Variants in RIMBP2 observed in about 807,000 individuals in gnomAD.
The protein encoded by RIMBP2 is RIMS binding protein 2, also known as RIMS-binding protein 2.
RIMBP2 carries 48 observed loss-of-function variants against 118.6 expected under a neutral mutation model. That is an observed-to-expected ratio of 0.40 (90% CI 0.32 to 0.51). RIMBP2 has a LOEUF of 0.51. Ranked by LOEUF, RIMBP2 falls within the 20% of genes least tolerant of loss-of-function variation. The pLI, the probability that RIMBP2 is intolerant of heterozygous loss-of-function variation, is 0.41. For missense variants in RIMBP2, 1,551 were observed against 1,768.3 expected, an observed-to-expected ratio of 0.88 and a Z score of 2.20; for synonymous variants, 762 against 742.9, an observed-to-expected ratio of 1.03 and a Z score of -0.42.
intron 1 of RIMBP2, among the ~76,000 whole-genome samples, chr12:130,705,501 G>C (rs137968296): frequency 6.6e-6 from 1 of 152,326 alleles, no homozygotes; most frequent in African/African-American, 2.4e-5. Flanking sequence ...GGGAAGGGAC[G>C]CAGCTGTCCC....
chr12:130,622,859 G>C lies in RIMBP2; in HGVS notation c.-217+5463C>G, dbSNP rs1046383261. On this transcript the variant is annotated intron_variant, in intron 2 of 22. Coordinates refer to ENST00000690449, the MANE Select transcript of RIMBP2 (RefSeq NM_001393629.1). The surrounding 1 kb of genome is among the most constrained non-coding windows in gnomAD (Gnocchi z 8.5). ...TCTCTCTGACCCTGCTCAATGCTTA[G>C]ATGTAACCTCTGTTCCCAGAGCTCA... Among the ~76,000 whole-genome samples the C allele has an allele frequency of 4.6e-5, 7 of 152,190 alleles. No individual in the cohort carries two copies. The highest frequency in any genetic ancestry group is 1.4e-4 in the African/African-American group (6 of 41,438).
chr12:130,667,024 AAAG>A lies in RIMBP2; in HGVS notation c.-351-38571_-351-38569del, dbSNP rs1285194789. Reference sequence around the variant, plus strand: ...GAAGGAGGGAGGGAGGGAGGGAGAGAAAGAAGAAGAGGGAGGAAGGGAGGGAGG... The same window carrying A: ...GAAGGAGGGAGGGAGGGAGGGAGAGAAAGAAGAGGGAGGAAGGGAGGGAGG... On this transcript the variant is annotated intron_variant, in intron 1 of 22. Coordinates refer to ENST00000690449, the MANE Select transcript of RIMBP2 (RefSeq NM_001393629.1). Among the ~76,000 whole-genome samples the A allele has an allele frequency of 1.5e-4, 8 of 51,710 alleles. 1 individual carries two copies. Among genetic ancestry groups the A allele is most frequent in the African/African-American group, 4.0e-4 (5 of 12,558 alleles). The allele number at this position is 51,710 out of a possible 152,430, so 33.9% of individuals were successfully genotyped here.
intron 2 of RIMBP2, among the ~76,000 whole-genome samples, chr12:130,548,259 G>C (rs993397351): frequency 6.6e-6 from 1 of 152,134 alleles, no homozygotes; most frequent in African/African-American, 2.4e-5. Flanking sequence ...AGCAAACTGA[G>C]GCACAGAGTT....
At chr12:130,537,603 C>A (rs4759720) in intron 2 of RIMBP2, among the ~76,000 whole-genome samples, 1 of 151,942 alleles carries the variant, frequency 6.6e-6, no homozygotes, top group African/African-American at 2.4e-5. Context: ...CCAGCCTATG[C>A]GAAAGATCCG....
In RIMBP2 at chr12:130,688,688, G is replaced by A. The variant is rs1049609437; in HGVS notation, c.-352+27534C>T. ...AGGGCAGGTGACAGGTACAGGCAGG[G>A]GGACACTAAAACCCCACATTCTAAA... On this transcript the variant is annotated intron_variant, in intron 1 of 22. Coordinates refer to ENST00000690449, the MANE Select transcript of RIMBP2 (RefSeq NM_001393629.1). The surrounding 1 kb of genome is among the most constrained non-coding windows in gnomAD (Gnocchi z 4.7). Among the ~76,000 whole-genome samples, 1 of 152,148 alleles carries A rather than the reference G, an allele frequency of 6.6e-6. No individual in the cohort carries two copies. The highest frequency in any genetic ancestry group is 2.4e-5 in the African/African-American group (1 of 41,440).
intron 1 of RIMBP2, among the ~76,000 whole-genome samples, chr12:130,644,379 C>G (rs11061049): frequency 0.27 from 40,872 of 152,080 alleles, 6,716 homozygotes; most frequent in East Asian, 0.38. Context: ...TTAAGAGCAC[C>G]GTAAGATCCA....
chr12:130,412,569 T>C (rs745823679), intron 19 of RIMBP2, 50 bp downstream of exon 19: 1 of 1,560,154 alleles, frequency 6.4e-7, no homozygotes, highest in African/African-American at 1.4e-5. Context: ...GCGGCAGGTG[T>C]TTTGTGGGAT....
chr12:130,466,366 C>G (rs1234302556), intron 6 of RIMBP2: 1 of 152,132 alleles, frequency 6.6e-6, no homozygotes, highest in East Asian at 1.9e-4. Context: ...TTGCTAAACC[C>G]CAAAACTAGC....
In RIMBP2 at chr12:130,424,299, G is replaced by A; in HGVS notation, c.2972C>T (p.Pro991Leu). Residue 991 changes from proline (P) to leucine (L), a missense_variant, in exon 16 of 23, where the codon CCC (proline) becomes CTC (leucine). Coordinates refer to ENST00000690449, the MANE Select transcript of RIMBP2 (RefSeq NM_001393629.1). This position sits in a 1 kb window ranked among gnomAD's most constrained non-coding sequence, Gnocchi z 9.8. ...GGLLRNDDPQ[P>L]GPERPPPRKH... ...CCTGGGGGGCGGCCTCTCCGGGCCG[G>A]GCTGGGGGTCGTCGTTCCTGAGGAG... 1 of 1,231,660 alleles carries A rather than the reference G, an allele frequency of 8.1e-7. No individual in the cohort carries two copies. The highest frequency in any genetic ancestry group is 1.0e-6 in the Non-Finnish European group (1 of 987,830). 76.3% of individuals were successfully genotyped at this position (1,231,660 alleles called of 1,614,324 possible).
At chr12:130,540,782 C>A (rs1354597175) in intron 2 of RIMBP2, among the ~76,000 whole-genome samples, 1 of 152,182 alleles carries the variant, frequency 6.6e-6, no homozygotes, top group Non-Finnish European at 1.5e-5. Flanking sequence ...CACTTCTTCC[C>A]TGGCAATACT....
At chr12:130,454,402 G>T (rs1241329606) in intron 7 of RIMBP2, among the ~76,000 whole-genome samples, 1 of 152,268 alleles carries the variant, frequency 6.6e-6, no homozygotes, top group African/African-American at 2.4e-5. Context: ...GCTGTCTGCA[G>T]GGAGGAGTGT....
At chr12:130,399,058 C>G (rs2074274943) in intron 22 of RIMBP2, 1 of 859,004 alleles carries the variant, frequency 1.2e-6, no homozygotes, top group South Asian at 3.9e-5. Context: ...ACCACACTGG[C>G]CCGGTTAAGG....
At chr12:130,589,355 T>TAAAAAAG (rs966502957) in intron 2 of RIMBP2, among the ~76,000 whole-genome samples, 2 of 130,210 alleles carry the variant, frequency 1.5e-5, no homozygotes, top group African/African-American at 5.0e-5. Flanking sequence ...AAAGACTCTT[T>TAAAAAAG]AAAAAAGAAA....
In RIMBP2 at chr12:130,521,848, A is replaced by T. The variant is rs1164196632; in HGVS notation, c.-216-3931T>A. Among the ~76,000 whole-genome samples, 4 of 152,230 alleles carry T rather than the reference A, an allele frequency of 2.6e-5. No homozygotes were observed. In the East Asian group the frequency reaches 7.7e-4, roughly 29 times the overall value. On this transcript the variant is annotated intron_variant, in intron 2 of 22. Coordinates refer to ENST00000690449, the MANE Select transcript of RIMBP2 (RefSeq NM_001393629.1). The stretch of plus-strand genomic sequence containing the variant: ...AATGGCTTTTTTTCCAGGGAAGGAC[A>T]TGTAAGCATTGCAATGGAATCGTTT...
chr12:130,418,066 G>A (rs189602708), intron 17 of RIMBP2, among the ~76,000 whole-genome samples: 71 of 152,302 alleles, frequency 4.7e-4, no homozygotes, highest in African/African-American at 1.6e-3. Flanking sequence ...AGAAGAGACA[G>A]GACAGGTGGT....
intron 2 of RIMBP2, among the ~76,000 whole-genome samples, chr12:130,535,760 T>TACACACATACATATAC (rs1566218352): frequency 7.8e-5 from 4 of 51,198 alleles, no homozygotes; most frequent in African/African-American, 2.2e-4. Context: ...TATATATATA[T>TACACACATACATATAC]ATATATATAT....
At chr12:130,675,391 G>A (rs2064408719) in intron 1 of RIMBP2, among the ~76,000 whole-genome samples, 1 of 152,040 alleles carries the variant, frequency 6.6e-6, no homozygotes, top group African/African-American at 2.4e-5. Flanking sequence ...AGGCTCCACC[G>A]CCCCAGCTCT....
intron 2 of RIMBP2, among the ~76,000 whole-genome samples, chr12:130,609,387 C>CAGCCTGAG (rs1389449634): frequency 1.5e-5 from 2 of 131,836 alleles, no homozygotes; most frequent in Non-Finnish European, 3.4e-5. Flanking sequence ...GAAATCCTGA[C>CAGCCTGAG]ACTGATGTTG....
At chr12:130,519,687 A>G (rs1277486804) in intron 2 of RIMBP2, among the ~76,000 whole-genome samples, 1 of 152,226 alleles carries the variant, frequency 6.6e-6, no homozygotes, top group Non-Finnish European at 1.5e-5. Flanking sequence ...ACATGCCCCA[A>G]GGTAAACTAA....
Sources: gnomAD v4.1 joint callset for allele counts (sites outside exome capture counted in the v4.1 genomes callset) on GRCh38, gnomAD v4.1.1 for gene constraint, Gnocchi (gnomAD v3.1) non-coding constraint, MANE v1.5 for transcripts, NCBI Gene and HGNC (gene_info 2026-07-23, HGNC 2026-07-21) for gene names.